CMIP: variants seen among roughly 807,000 people sequenced by gnomAD.
CMIP encodes the protein c-Maf inducing protein, also known as C-Maf-inducing protein.
CMIP carries 13 observed loss-of-function variants against 97.3 expected under a neutral mutation model. The observed-to-expected ratio is 0.13, with a 90% CI of 0.09 to 0.21. The LOEUF is 0.21. CMIP is among the 10% of genes least tolerant of loss of function. The probability of loss-of-function intolerance (pLI) is 1.00; values close to 1 mark genes in which losing one functional copy is unlikely to be tolerated. For missense variants in CMIP, 847 were observed against 1,024.9 expected (o/e 0.83, Z 2.37); for synonymous variants, 538 against 436.3 (o/e 1.23, Z -2.91).
intron 15 of CMIP, 60 bp from the exon 16 acceptor site, chr16:81,701,600 G>A: frequency 6.2e-7 from 1 of 1,611,364 alleles, no homozygotes; most frequent in Non-Finnish European, 8.5e-7. Context: ...GGGGTGCACA[G>A]AGTGTGCTGA....
chr16:81,571,626 GA>G (rs1243225052), intron 1 of CMIP, among the ~76,000 whole-genome samples: 1 of 139,214 alleles, frequency 7.2e-6, no homozygotes. Context: ...GAAAAGAAAA[GA>G]AAAAAAAGGC....
At chr16:81,481,555 G>C (rs953386807) in intron 1 of CMIP, among the ~76,000 whole-genome samples, 2 of 152,250 alleles carry the variant, frequency 1.3e-5, no homozygotes, top group East Asian at 1.9e-4. Context: ...GCCAGGGCCA[G>C]AGCGGCTCCC....
At chr16:81,632,489 T>C (rs1467820911) in intron 3 of CMIP, among the ~76,000 whole-genome samples, 2 of 152,244 alleles carry the variant, frequency 1.3e-5, no homozygotes, top group Non-Finnish European at 2.9e-5. Flanking sequence ...TTTTCTTTTC[T>C]AGTTTCATAG....
chr16:81,672,478 T>C (rs984540898), intron 9 of CMIP, among the ~76,000 whole-genome samples: 1 of 152,230 alleles, frequency 6.6e-6, no homozygotes, highest in Non-Finnish European at 1.5e-5. Flanking sequence ...GGTGTGAATA[T>C]GTGCCCGTGT....
intron 3 of CMIP, among the ~76,000 whole-genome samples, chr16:81,622,707 G>C (rs1450146183): frequency 6.6e-6 from 1 of 152,122 alleles, no homozygotes; most frequent in Non-Finnish European, 1.5e-5. Flanking sequence ...TGTCAGGTGC[G>C]GTATCCCACA....
intron 4 of CMIP, among the ~76,000 whole-genome samples, chr16:81,653,030 C>T (rs995656551): frequency 2.0e-5 from 3 of 152,218 alleles, no homozygotes; most frequent in African/African-American, 7.2e-5. Context: ...ATCAGCGAGT[C>T]TGTCCCGCTG....
intron 1 of CMIP, among the ~76,000 whole-genome samples, chr16:81,531,225 AC>A (rs775715434): frequency 3.3e-5 from 5 of 152,180 alleles, no homozygotes; most frequent in Non-Finnish European, 7.3e-5. Context: ...AGGGACGAGC[AC>A]CGTGTGACAG....
At chr16:81,588,608 A>G (rs2091419827) in intron 1 of CMIP, among the ~76,000 whole-genome samples, 2 of 151,994 alleles carry the variant, frequency 1.3e-5, no homozygotes, top group African/African-American at 4.8e-5. Context: ...CCAAAACCCA[A>G]CATCCTCGTT....
At chr16:81,505,987 C>T (rs1200917935) in intron 1 of CMIP, among the ~76,000 whole-genome samples, 2 of 152,226 alleles carry the variant, frequency 1.3e-5, no homozygotes, top group Admixed American at 6.5e-5. Flanking sequence ...AAGAGCAAAA[C>T]TCCATCTCAA....
intron 10 of CMIP, among the ~76,000 whole-genome samples, chr16:81,679,957 C>T (rs1035471758): frequency 7.9e-5 from 12 of 152,228 alleles, no homozygotes; most frequent in Admixed American, 4.6e-4. Context: ...CCCCCTTTCT[C>T]GCTCCACAAA....
intron 1 of CMIP, among the ~76,000 whole-genome samples, chr16:81,527,896 G>T (rs575226733): frequency 2.0e-5 from 3 of 151,188 alleles, no homozygotes; most frequent in Non-Finnish European, 4.4e-5. Context: ...AGTCTCTTGC[G>T]TATGCCTTTT....
rs1298686877 is a variant in CMIP at position 81,444,985 on chromosome 16, C to T, written c.-257C>T. Among the ~76,000 whole-genome samples the T allele has an allele frequency of 7.1e-6, 1 of 140,214 alleles. No homozygotes were observed. The highest frequency in any genetic ancestry group is 7.0e-5 in the Admixed American group (1 of 14,312). The allele number at this position is 140,214 out of a possible 152,430, so 92.0% of individuals were successfully genotyped here. On this transcript the variant is annotated 5_prime_UTR_variant, in exon 1 of 21. Transcript: ENST00000537098. Reference sequence around the variant, plus strand: ...CTCCCCGTCGCCCGCCGAGCCCGGTCAGCCGCCGCGAGCATGCACCCGACG... The same window carrying T: ...CTCCCCGTCGCCCGCCGAGCCCGGTTAGCCGCCGCGAGCATGCACCCGACG...
chr16:81,499,489 C>G (rs1472541705), intron 1 of CMIP, among the ~76,000 whole-genome samples: 1 of 152,232 alleles, frequency 6.6e-6, no homozygotes, highest in African/African-American at 2.4e-5. Flanking sequence ...TGGCGATGAC[C>G]TCTGAGTGGG....
chr16:81,561,632 C>CT (rs1403844915), intron 1 of CMIP, among the ~76,000 whole-genome samples: 1 of 152,138 alleles, frequency 6.6e-6, no homozygotes, highest in African/African-American at 2.4e-5. Context: ...CTTGAGTTTT[C>CT]TGCGGAGTGG....
At chr16:81,709,220 C>T (rs184860440) in intron 20 of CMIP, among the ~76,000 whole-genome samples, 2 of 152,256 alleles carry the variant, frequency 1.3e-5, no homozygotes, top group Admixed American at 1.3e-4. Flanking sequence ...CTGGGATCCA[C>T]GTCACTCACC....
At position 81,508,797 on chromosome 16, in the gene CMIP, A is replaced by T. The variant is rs757921175; in HGVS notation, c.300+63256A>T. On this transcript the variant is annotated intron_variant, in intron 1 of 20. Coordinates refer to ENST00000537098, the MANE Select transcript of CMIP (RefSeq NM_198390.3). Reference sequence around the variant, plus strand: ...AGAATGATCTGATCATGCCTGAGGGACCCACGTAGGCCCCAGGATGGGGAT... The same window carrying T: ...AGAATGATCTGATCATGCCTGAGGGTCCCACGTAGGCCCCAGGATGGGGAT... 4.6e-4 allele frequency among the ~76,000 whole-genome samples: 70 copies of T among 152,312 alleles called. 1 individual carries two copies. Among genetic ancestry groups the T allele is most frequent in the Non-Finnish European group, 9.3e-4 (63 of 68,016 alleles).
At chr16:81,615,751 G>A (rs2091909324) in intron 2 of CMIP, among the ~76,000 whole-genome samples, 1 of 151,800 alleles carries the variant, frequency 6.6e-6, no homozygotes, top group Non-Finnish European at 1.5e-5. Context: ...TGTGTGTGTG[G>A]TGTATGTGTC....
intron 1 of CMIP, among the ~76,000 whole-genome samples, chr16:81,534,318 T>A (rs1024892683): frequency 6.6e-6 from 1 of 152,216 alleles, no homozygotes; most frequent in African/African-American, 2.4e-5. Flanking sequence ...TTGTTGACTG[T>A]TTGCATTTGC....
intron 10 of CMIP, among the ~76,000 whole-genome samples, chr16:81,686,025 C>A (rs1905347692): frequency 6.6e-6 from 1 of 152,200 alleles, no homozygotes; most frequent in African/African-American, 2.4e-5. Flanking sequence ...GGGGCCAGGG[C>A]AGCCCATCAC....
Sources: allele counts gnomAD v4.1 joint callset (sites outside exome capture counted in the v4.1 genomes callset), GRCh38; gene constraint gnomAD v4.1.1; transcripts MANE v1.5; gene names NCBI Gene and HGNC (gene_info 2026-07-23, HGNC 2026-07-21).